Variants in DNAJA3 observed in about 807,000 individuals in gnomAD.
DNAJA3 encodes the protein dnaJ homolog subfamily A member 3, mitochondrial.
DNAJA3 carries 29 observed loss-of-function variants against 54.9 expected under a neutral mutation model. The ratio of observed to expected loss-of-function variants is 0.53; its 90% CI spans 0.39 to 0.72. The LOEUF is 0.72. Ranked by LOEUF, DNAJA3 falls within the 30% of genes least tolerant of loss-of-function variation. The probability of loss-of-function intolerance (pLI) is 0.00; values close to 1 mark genes in which losing one functional copy is unlikely to be tolerated. For missense variants in DNAJA3, 708 were observed against 639.4 expected, an observed-to-expected ratio of 1.11 and a Z score of -1.16; for synonymous variants, 302 against 251.4, an observed-to-expected ratio of 1.20 and a Z score of -1.90.
chr16:4,450,283 C>T (rs759254609), intron 9 of DNAJA3, 117 bp from the exon 10 acceptor site: 1 of 744,306 alleles, frequency 1.3e-6, no homozygotes, highest in African/African-American at 1.7e-5. Context: ...AGGGTGTCCG[C>T]CCCTGCCAAG....
chr16:4,443,337 A>T (rs929229079), intron 6 of DNAJA3, among the ~76,000 whole-genome samples, 173 bp downstream of exon 6: 2 of 151,992 alleles, frequency 1.3e-5, no homozygotes, highest in African/African-American at 4.8e-5. Context: ...GAGGAACTGG[A>T]GTCTCCTTGA....
chr16:4,430,333 G>A lies in DNAJA3; in HGVS notation c.212-4051G>A, dbSNP rs369547156. 5.9e-5 allele frequency among the ~76,000 whole-genome samples: 9 copies of A among 151,804 alleles called. No homozygotes were observed. The South Asian group carries it at 1.7e-3, about 28-fold the overall frequency. On this transcript the variant is annotated intron_variant, in intron 1 of 11. Transcript: ENST00000262375. ...CTGCAATCCCATTACTTTGGGAGGTGGGTTGATCGCCTGAGGTCAGGAGTT... is the reference window on the plus strand; with the variant it reads ...CTGCAATCCCATTACTTTGGGAGGTAGGTTGATCGCCTGAGGTCAGGAGTT...
At chr16:4,441,178 C>G (rs1009664210) in intron 3 of DNAJA3, 197 bp from the exon 4 acceptor site, 2 of 591,946 alleles carry the variant, frequency 3.4e-6, no homozygotes, top group Non-Finnish European at 6.0e-6. Flanking sequence ...ACTTCACGCC[C>G]TACACTTAGC....
chr16:4,444,547 G>A (rs571452954), intron 6 of DNAJA3, 117 bp from the exon 7 acceptor site: 5 of 778,570 alleles, frequency 6.4e-6, no homozygotes, highest in African/African-American at 1.7e-5. Flanking sequence ...TGTTGGCCAG[G>A]ATGGTCTCGA....
chr16:4,444,718 T>C lies in DNAJA3; in HGVS notation c.986T>C (p.Ile329Thr), dbSNP rs1183196859. The C allele has an allele frequency of 6.2e-7, 1 of 1,613,994 alleles. No homozygotes were observed. The highest frequency in any genetic ancestry group is 2.2e-5 in the East Asian group (1 of 44,896). ...CCTGTGGGAAAAAGGGAAATTTTCATTACGTTCAGGGTAGGTGCCCTGCCC... is the reference window on the plus strand; with the variant it reads ...CCTGTGGGAAAAAGGGAAATTTTCACTACGTTCAGGGTAGGTGCCCTGCCC... ...RMPVGKREIF[I>T]TFRVQKSPVF... Residue 329 changes from isoleucine to threonine, a missense_variant, in exon 7 of 12, where the codon ATT becomes ACT. Transcript: ENST00000262375.
At chr16:4,455,185 C>T (rs1295207577) in intron 11 of DNAJA3, among the ~76,000 whole-genome samples, 2 of 152,158 alleles carry the variant, frequency 1.3e-5, no homozygotes, top group Non-Finnish European at 2.9e-5. Flanking sequence ...GGGGAGGTGG[C>T]GATGCTGGGG....
At chr16:4,447,127 G>A in intron 8 of DNAJA3, 113 bp downstream of exon 8, 3 of 1,280,364 alleles carry the variant, frequency 2.3e-6, no homozygotes, top group Non-Finnish European at 2.1e-6. Context: ...ATGTGGGGGG[G>A]CACTCACAGG....
chr16:4,439,973 C>G (rs1459537934), intron 3 of DNAJA3, among the ~76,000 whole-genome samples: 1 of 152,112 alleles, frequency 6.6e-6, no homozygotes, highest in African/African-American at 2.4e-5. Context: ...CACTTTGTTG[C>G]CCAGGCTGGA....
intron 8 of DNAJA3, among the ~76,000 whole-genome samples, chr16:4,448,261 G>C (rs1027872666): frequency 3.3e-5 from 5 of 151,312 alleles, no homozygotes; most frequent in African/African-American, 1.2e-4. Flanking sequence ...ACCTGACCTC[G>C]TGATCTGCCT....
chr16:4,441,475 G>A lies in DNAJA3; in HGVS notation c.530G>A (p.Gly177Asp), dbSNP rs1356438301. The change falls in exon 4 of 12, where the codon GGC (glycine) becomes GAC (aspartate). Residue 177 changes from glycine to aspartate, a missense_variant. Physicochemically the swap from Gly to Asp is moderately conservative, Grantham distance 94 (BLOSUM62 -1). Transcript: ENST00000262375. Reference sequence around the variant, plus strand: ...TCCCAGCATAGCTACTGGAAGGGAGGCCCCACTGTGGACCCCGAGGAGCTG... The same window carrying A: ...TCCCAGCATAGCTACTGGAAGGGAGACCCCACTGTGGACCCCGAGGAGCTG... ...SGSQHSYWKG[G>D]PTVDPEELFR... 4 of 1,614,088 alleles carry A rather than the reference G, an allele frequency of 2.5e-6. No homozygotes were observed. Among genetic ancestry groups the A allele is most frequent in the Non-Finnish European group, 3.4e-6 (4 of 1,180,032 alleles).
At chr16:4,436,361 T>G (rs1357986757) in intron 2 of DNAJA3, among the ~76,000 whole-genome samples, 4 of 152,168 alleles carry the variant, frequency 2.6e-5, no homozygotes, top group Non-Finnish European at 5.9e-5. Flanking sequence ...AGGCCCTTAG[T>G]AAGTCCCAGA....
chr16:4,448,983 G>C, intron 9 of DNAJA3, 135 bp downstream of exon 9: 1 of 645,868 alleles, frequency 1.5e-6, no homozygotes, highest in Non-Finnish European at 2.7e-6. Context: ...CTGTAAAGTG[G>C]ACATAGTAGA....
chr16:4,426,036 T>C lies in DNAJA3; in HGVS notation c.155T>C (p.Leu52Pro). The C allele has an allele frequency of 6.2e-7, 1 of 1,606,514 alleles. No individual in the cohort carries two copies. Among genetic ancestry groups the C allele is most frequent in the South Asian group, 1.1e-5 (1 of 89,960 alleles). ...KLSVPAFASSLTSCGPRALLT... is the reference protein window; with the variant it reads ...KLSVPAFASSPTSCGPRALLT... Reference sequence around the variant, plus strand: ...AGCGTCCCCGCCTTTGCGTCTTCCCTGACCTCTTGCGGCCCCCGAGCGCTG... The same window carrying C: ...AGCGTCCCCGCCTTTGCGTCTTCCCCGACCTCTTGCGGCCCCCGAGCGCTG... The change falls in exon 1 of 12, where the codon CTG (leucine) becomes CCG (proline). Residue 52 changes from leucine (L) to proline (P), a missense_variant. Coordinates refer to ENST00000262375, the MANE Select transcript of DNAJA3 (RefSeq NM_005147.6).
chr16:4,449,241 C>T (rs1253061336), intron 9 of DNAJA3, among the ~76,000 whole-genome samples: 2 of 152,160 alleles, frequency 1.3e-5, no homozygotes, highest in African/African-American at 2.4e-5. Context: ...AGTGATCCAC[C>T]CACCTTGGCC....
chr16:4,425,956 A>G lies in DNAJA3; in HGVS notation c.75A>G (p.Arg25=). 6.4e-7 allele frequency: 1 copy of G among 1,573,028 alleles called. No individual in the cohort carries two copies. The highest frequency in any genetic ancestry group is 8.6e-7 in the Non-Finnish European group (1 of 1,161,198). Residue 25 remains arginine, a synonymous_variant, in exon 1 of 12, where the codon AGA becomes AGG. Transcript: ENST00000262375. ...CGCGGCTGCCGGCTATATCGGGTAGAGGGGCCCGGCCGCCCAGGGAGGGCG... is the reference window on the plus strand; with the variant it reads ...CGCGGCTGCCGGCTATATCGGGTAGGGGGGCCCGGCCGCCCAGGGAGGGCG... ...GTPRLPAISG[R]GARPPREGVV...
At chr16:4,443,430 G>T (rs903324296) in intron 6 of DNAJA3, among the ~76,000 whole-genome samples, 1 of 152,064 alleles carries the variant, frequency 6.6e-6, no homozygotes, top group African/African-American at 2.4e-5. Context: ...TGCCTACTCT[G>T]CTTCTTCCTG....
chr16:4,433,405 T>A (rs1362841967), intron 1 of DNAJA3: 1 of 152,252 alleles, frequency 6.6e-6, no homozygotes, highest in Non-Finnish European at 1.5e-5. Flanking sequence ...TCATTGGTTC[T>A]CAGCAGGGGA....
At position 4,444,688 on chromosome 16, in the gene DNAJA3, G is replaced by A. The variant is rs1416340861; in HGVS notation, c.956G>A (p.Arg319Lys). 2 of 1,614,192 alleles carry A rather than the reference G, an allele frequency of 1.2e-6. No homozygotes were observed. Among genetic ancestry groups the A allele is most frequent in the Non-Finnish European group, 1.7e-6 (2 of 1,180,034 alleles). Residue 319 changes from arginine to lysine, a missense_variant, in exon 7 of 12, where the codon AGG (arginine) becomes AAG (lysine). Arg to Lys is a conservative substitution (Grantham distance 26). Coordinates refer to ENST00000262375, the MANE Select transcript of DNAJA3 (RefSeq NM_005147.6). Reference protein sequence around the residue: ...PAGVEDGQTVRMPVGKREIFI... With the variant: ...PAGVEDGQTVKMPVGKREIFI... ...GGAGTCGAGGATGGCCAGACCGTGA[G>A]GATGCCTGTGGGAAAAAGGGAAATT... is the stretch of plus-strand genomic sequence containing the variant.
At chr16:4,448,286 A>G (rs965734526) in intron 8 of DNAJA3, among the ~76,000 whole-genome samples, 1 of 150,514 alleles carries the variant, frequency 6.6e-6, no homozygotes, top group African/African-American at 2.4e-5. Context: ...CAGCCCCCCA[A>G]AGTGCTGGGA....
Sources: gnomAD v4.1 joint callset for allele counts (sites outside exome capture counted in the v4.1 genomes callset) on GRCh38, gnomAD v4.1.1 for gene constraint, MANE v1.5 for transcripts, NCBI Gene and HGNC (gene_info 2026-07-23, HGNC 2026-07-21) for gene names.